The following RAB10 variants were observed in gnomAD, a reference collection of about 807,000 sequenced individuals.
RAB10 encodes ras-related protein Rab-10.
A neutral mutation model predicts 25.7 loss-of-function variants in RAB10; 5 were observed. The observed-to-expected ratio is 0.19, with a 90% CI of 0.10 to 0.41. The LOEUF (loss-of-function observed/expected upper bound fraction) is 0.41. RAB10 is among the 10% of genes least tolerant of loss of function. The pLI, the probability that RAB10 is intolerant of heterozygous loss-of-function variation, is 1.00. For missense variants in RAB10, 103 were observed against 245.8 expected (o/e 0.42, Z 3.89); for synonymous variants, 89 against 86.4 (o/e 1.03, Z -0.16).
rs1288167181 is a variant in RAB10 at position 26,034,103 on chromosome 2, C to T, written c.-506C>T. 1.2e-5 allele frequency: 5 copies of T among 403,532 alleles called. No individual in the cohort carries two copies. Among genetic ancestry groups the T allele is most frequent in the South Asian group, 1.2e-4 (1 of 8,642 alleles). 25.0% of individuals were successfully genotyped at this position (403,532 alleles called of 1,614,324 possible). A position where few individuals can be genotyped will look rare whatever the true frequency, so the allele number is the denominator to read the frequency against. On this transcript the variant is annotated 5_prime_UTR_variant, in exon 1 of 6. Coordinates refer to ENST00000264710, the MANE Select transcript of RAB10 (RefSeq NM_016131.5). ...GCGTGCGTCTCAGGCAGCGCGCACG[C>T]CGGCGTGAGAGGGCACGGGGAAAAG...
At chr2:26,101,848 T>C (rs1181076430) in intron 2 of RAB10, 1 of 152,310 alleles carries the variant, frequency 6.6e-6, no homozygotes, top group Non-Finnish European at 1.5e-5. Context: ...TCTTTTTGCA[T>C]GGGCATAATC....
At chr2:26,099,221 A>G (rs1350338605) in intron 2 of RAB10, among the ~76,000 whole-genome samples, 3 of 152,328 alleles carry the variant, frequency 2.0e-5, no homozygotes, top group Admixed American at 6.5e-5. Flanking sequence ...AATGTGTATT[A>G]TGTATATTAA....
At chr2:26,073,571 C>T (rs1196572019) in intron 1 of RAB10, among the ~76,000 whole-genome samples, 1 of 152,216 alleles carries the variant, frequency 6.6e-6, no homozygotes, top group Non-Finnish European at 1.5e-5. Context: ...CTACCCAGAA[C>T]TCAGCTTGCA....
intron 1 of RAB10, among the ~76,000 whole-genome samples, chr2:26,037,124 A>C (rs1665779249): frequency 6.6e-6 from 1 of 152,174 alleles, no homozygotes; most frequent in South Asian, 2.1e-4. Context: ...AGTAGGAAGC[A>C]AAACATTAAC....
intron 1 of RAB10, among the ~76,000 whole-genome samples, chr2:26,086,918 G>T (rs1215786421): frequency 6.6e-6 from 1 of 152,164 alleles, no homozygotes; most frequent in African/African-American, 2.4e-5. Context: ...TCCAAAATAG[G>T]TAAATCCACT....
At chr2:26,133,676 T>C (rs1574566940) in intron 5 of RAB10, among the ~76,000 whole-genome samples, 1 of 152,284 alleles carries the variant, frequency 6.6e-6, no homozygotes, top group Admixed American at 6.5e-5. Context: ...TCTTTTTCTT[T>C]TTCTTTTTAT....
chr2:26,109,706 C>T, intron 2 of RAB10, 62 bp from the exon 3 acceptor site: 1 of 1,424,452 alleles, frequency 7.0e-7, no homozygotes, highest in Non-Finnish European at 9.3e-7. Context: ...CTTGTTTTGT[C>T]CTTTATGTGA....
chr2:26,105,026 C>T (rs113378170), intron 2 of RAB10, among the ~76,000 whole-genome samples: 4,303 of 152,116 alleles, frequency 0.028, 200 homozygotes, highest in African/African-American at 0.099. Flanking sequence ...CGTGAGCCAC[C>T]GCGCCCTGCC....
chr2:26,073,798 C>T (rs896805255), intron 1 of RAB10, among the ~76,000 whole-genome samples: 3 of 152,194 alleles, frequency 2.0e-5, no homozygotes, highest in East Asian at 3.9e-4. Context: ...GGGAATGATT[C>T]GAGCTCAAGT....
intron 1 of RAB10, among the ~76,000 whole-genome samples, chr2:26,086,396 A>G (rs922488422): frequency 2.6e-5 from 4 of 152,242 alleles, no homozygotes; most frequent in African/African-American, 9.6e-5. Flanking sequence ...ATAAAAAACC[A>G]CAATGAGGTA....
intron 3 of RAB10, among the ~76,000 whole-genome samples, chr2:26,116,366 A>G (rs1283447100): frequency 6.6e-6 from 1 of 151,938 alleles, no homozygotes. Flanking sequence ...CAGATTGAAA[A>G]TATGAATTTT....
At chr2:26,092,287 G>A (rs1312484116) in intron 1 of RAB10, among the ~76,000 whole-genome samples, 1 of 139,848 alleles carries the variant, frequency 7.2e-6, no homozygotes, top group Non-Finnish European at 1.6e-5. Flanking sequence ...GTGTGTGTGT[G>A]TGTGTGTGTG....
At chr2:26,037,897 T>TC (rs1361523893) in intron 1 of RAB10, among the ~76,000 whole-genome samples, 1 of 152,142 alleles carries the variant, frequency 6.6e-6, no homozygotes, top group East Asian at 1.9e-4. Context: ...AATTTCTTTT[T>TC]TTTTTTGAGA....
intron 1 of RAB10, among the ~76,000 whole-genome samples, chr2:26,045,062 G>T (rs1413191872): frequency 4.7e-5 from 7 of 149,886 alleles, no homozygotes; most frequent in Non-Finnish European, 1.5e-5. Flanking sequence ...CAAGGATTTT[G>T]TTCGGGTTAC....
intron 1 of RAB10, among the ~76,000 whole-genome samples, chr2:26,059,907 T>C (rs978930493): frequency 3.9e-5 from 6 of 152,338 alleles, no homozygotes; most frequent in Admixed American, 6.5e-5. Flanking sequence ...AGCTTTGATG[T>C]GTTTTAAATT....
At chr2:26,086,544 TA>T (rs543974463) in intron 1 of RAB10, among the ~76,000 whole-genome samples, 228 of 152,334 alleles carry the variant, frequency 1.5e-3, no homozygotes, top group African/African-American at 5.0e-3. Flanking sequence ...GGCAATTCCT[TA>T]AAAAGTTAAA....
chr2:26,114,737 C>CAAAAAAAAAAAAAAAAAAAAAAAAAAA (rs58252306), intron 3 of RAB10, among the ~76,000 whole-genome samples: 8 of 66,048 alleles, frequency 1.2e-4, no homozygotes, highest in African/African-American at 4.4e-4. Flanking sequence ...CAAAAATATA[C>CAAAAAAAAAAAAAAAAAAAAAAAAAAA]AAAAAAAAAA....
At chr2:26,122,815 G>A (rs1220299387) in intron 3 of RAB10, among the ~76,000 whole-genome samples, 1 of 152,094 alleles carries the variant, frequency 6.6e-6, no homozygotes, top group African/African-American at 2.4e-5. Context: ...AGCAGCTTCT[G>A]CTGACTAAGA....
chr2:26,061,682 T>A (rs13007072), intron 1 of RAB10, among the ~76,000 whole-genome samples: 1 of 151,912 alleles, frequency 6.6e-6, no homozygotes, highest in Non-Finnish European at 1.5e-5. Context: ...TGAGTCATTG[T>A]CCCCAGTCTT....
Sources: allele counts gnomAD v4.1 joint callset (sites outside exome capture counted in the v4.1 genomes callset), GRCh38; gene constraint gnomAD v4.1.1; transcripts MANE v1.5; gene names NCBI Gene and HGNC (gene_info 2026-07-23, HGNC 2026-07-21).